The following TRIM44 variants were observed in gnomAD, a reference collection of about 807,000 sequenced individuals.
TRIM44 encodes the protein tripartite motif-containing protein 44.
Under a neutral mutation model 37.4 loss-of-function variants are expected in TRIM44, and 13 were observed. The ratio of observed to expected loss-of-function variants is 0.35; its 90% CI spans 0.23 to 0.55. TRIM44 has a LOEUF of 0.55. Ranked by LOEUF, TRIM44 falls within the 20% of genes least tolerant of loss-of-function variation. The pLI is 0.89. For missense variants in TRIM44, 426 were observed against 437.2 expected, an observed-to-expected ratio of 0.97 and a Z score of 0.23; for synonymous variants, 175 against 157.2, an observed-to-expected ratio of 1.11 and a Z score of -0.85.
chr11:35,799,715 G>T (rs561843514), intron 4 of TRIM44, among the ~76,000 whole-genome samples: 1 of 152,234 alleles, frequency 6.6e-6, no homozygotes, highest in South Asian at 2.1e-4. Context: ...CTCATCTGTA[G>T]AATGGAGATA....
At chr11:35,754,300 G>A in intron 4 of TRIM44, among the ~76,000 whole-genome samples, 1 of 152,112 alleles carries the variant, frequency 6.6e-6, no homozygotes, top group East Asian at 1.9e-4. Flanking sequence ...ATTTCTTGCA[G>A]GATGCAGGGA....
chr11:35,806,529 A>C lies in TRIM44; in HGVS notation c.*144A>C, dbSNP rs1218712144. ...GTGTCCCCAGATCCACAGCAGGCAC[A>C]TATCTCTCCAAGGGATGACCAGTTT... On this transcript the variant is annotated 3_prime_UTR_variant, in exon 5 of 5. Transcript: ENST00000299413. The C allele has an allele frequency of 1.2e-6, 1 of 853,068 alleles. No homozygotes were observed. Among genetic ancestry groups the C allele is most frequent in the African/African-American group, 1.7e-5 (1 of 59,892 alleles). 52.8% of individuals were successfully genotyped at this position (853,068 alleles called of 1,614,324 possible).
At chr11:35,752,772 C>T (rs140129453) in intron 4 of TRIM44, among the ~76,000 whole-genome samples, 116 of 152,286 alleles carry the variant, frequency 7.6e-4, no homozygotes, top group African/African-American at 2.5e-3. Context: ...TGCAGGAATG[C>T]TCGTCCCCAG....
chr11:35,686,549 T>C (rs527741194), intron 2 of TRIM44, among the ~76,000 whole-genome samples: 6 of 152,214 alleles, frequency 3.9e-5, no homozygotes, highest in African/African-American at 1.4e-4. Flanking sequence ...TTTGTTTGTT[T>C]GTTTGTTTTT....
At chr11:35,731,440 C>T (rs1852258016) in intron 3 of TRIM44, among the ~76,000 whole-genome samples, 3 of 152,050 alleles carry the variant, frequency 2.0e-5, no homozygotes, top group Admixed American at 2.0e-4. Context: ...TCCCATTTGG[C>T]CATGATGTAT....
chr11:35,811,990 T>G lies in TRIM44; in HGVS notation c.*5605T>G, dbSNP rs889179766. 2.6e-5 allele frequency: 4 copies of G among 152,172 alleles called. No individual in the cohort carries two copies. The highest frequency in any genetic ancestry group is 5.9e-5 in the Non-Finnish European group (4 of 68,070). 9.4% of individuals were successfully genotyped at this position (152,172 alleles called of 1,614,324 possible). ...AGTTGCGGAGGACACTGCTGCCTGGTGGGGTGGCACTGCCTGCCACTGTAG... is the reference window on the plus strand; with the variant it reads ...AGTTGCGGAGGACACTGCTGCCTGGGGGGGTGGCACTGCCTGCCACTGTAG... On this transcript the variant is annotated 3_prime_UTR_variant, in exon 5 of 5. Transcript: ENST00000299413.
chr11:35,733,452 T>C lies in TRIM44; in HGVS notation c.988-1974T>C, dbSNP rs114547737. On this transcript the variant is annotated intron_variant, in intron 3 of 4. Transcript: ENST00000299413. ...TCATAGTTATGTAACTCATGTTAAA[T>C]TTAAATTATATAACTTTTTATTGGT... is the stretch of plus-strand genomic sequence containing the variant. Among the ~76,000 whole-genome samples the C allele has an allele frequency of 5.1e-3, 783 of 152,326 alleles. 9 individuals are homozygous for C. Among genetic ancestry groups the C allele is most frequent in the African/African-American group, 0.018 (744 of 41,564 alleles).
intron 4 of TRIM44, among the ~76,000 whole-genome samples, chr11:35,747,942 C>G (rs1344081128): frequency 6.6e-6 from 1 of 152,010 alleles, no homozygotes; most frequent in Admixed American, 6.6e-5. Flanking sequence ...TTAGCAATTA[C>G]CGGCAAGTTG....
intron 4 of TRIM44, among the ~76,000 whole-genome samples, chr11:35,803,987 GAAAA>G (rs201464930): frequency 5.1e-5 from 6 of 118,118 alleles, no homozygotes; most frequent in Non-Finnish European, 1.1e-4. Context: ...GTTCTGGGAA[GAAAA>G]AAAAAAAAAA....
chr11:35,736,422 C>T (rs746560620), intron 4 of TRIM44, among the ~76,000 whole-genome samples: 26 of 152,142 alleles, frequency 1.7e-4, no homozygotes, highest in Non-Finnish European at 2.6e-4. Context: ...ACTATCAAGT[C>T]GCTTATTAAA....
intron 1 of TRIM44, among the ~76,000 whole-genome samples, chr11:35,682,364 T>A (rs906070658): frequency 6.6e-6 from 1 of 151,998 alleles, no homozygotes; most frequent in Non-Finnish European, 1.5e-5. Context: ...ACAAGGCCCC[T>A]TGGGGTGCAG....
intron 4 of TRIM44, among the ~76,000 whole-genome samples, chr11:35,776,266 T>C (rs1312617122): frequency 6.6e-6 from 1 of 152,246 alleles, no homozygotes; most frequent in African/African-American, 2.4e-5. Flanking sequence ...TATAGTATTC[T>C]CTGATGGTAG....
chr11:35,772,721 T>A (rs560659770), intron 4 of TRIM44, among the ~76,000 whole-genome samples: 2 of 152,212 alleles, frequency 1.3e-5, no homozygotes, highest in Admixed American at 1.3e-4. Context: ...TGTACCCCCA[T>A]TGTATCTAGG....
chr11:35,704,204 T>C (rs1240647055), intron 2 of TRIM44, among the ~76,000 whole-genome samples: 3 of 151,958 alleles, frequency 2.0e-5, no homozygotes, highest in African/African-American at 7.3e-5. Flanking sequence ...AAGGGAAGTT[T>C]AGAGAAAAAA....
At chr11:35,798,709 A>G (rs1252239902) in intron 4 of TRIM44, among the ~76,000 whole-genome samples, 2 of 152,226 alleles carry the variant, frequency 1.3e-5, no homozygotes, top group Non-Finnish European at 2.9e-5. Flanking sequence ...GGTATGATAA[A>G]TCCATACAAA....
chr11:35,763,385 A>G (rs1852753254), intron 4 of TRIM44, among the ~76,000 whole-genome samples: 3 of 152,182 alleles, frequency 2.0e-5, no homozygotes, highest in Non-Finnish European at 4.4e-5. Context: ...ACAAGGATAC[A>G]GGGAAATGGA....
chr11:35,792,072 T>TAC (rs57127722), intron 4 of TRIM44, among the ~76,000 whole-genome samples: 5,010 of 136,690 alleles, frequency 0.037, 331 homozygotes, highest in African/African-American at 0.13. Flanking sequence ...GAGTTGCCCC[T>TAC]ACACACACAC....
intron 4 of TRIM44, among the ~76,000 whole-genome samples, chr11:35,773,867 A>G (rs1852911169): frequency 6.6e-6 from 1 of 152,160 alleles, no homozygotes; most frequent in Admixed American, 6.5e-5. Flanking sequence ...TATTCAGTCT[A>G]TCATTGATGG....
intron 2 of TRIM44, among the ~76,000 whole-genome samples, chr11:35,707,105 C>A (rs1285450846): frequency 1.3e-5 from 2 of 152,272 alleles, no homozygotes; most frequent in Middle Eastern, 3.4e-3. Flanking sequence ...CACACGCATT[C>A]TTATACACCA....
Sources: allele counts gnomAD v4.1 joint callset (sites outside exome capture counted in the v4.1 genomes callset), GRCh38; gene constraint gnomAD v4.1.1; transcripts MANE v1.5; gene names NCBI Gene and HGNC (gene_info 2026-07-23, HGNC 2026-07-21).